LARP4B: variants seen among roughly 807,000 people sequenced by gnomAD.
LARP4B encodes the protein La ribonucleoprotein 4B, also known as la-related protein 4B.
Under a neutral mutation model 89.8 loss-of-function variants are expected in LARP4B, and 12 were observed. The ratio of observed to expected loss-of-function variants is 0.13; its 90% CI spans 0.09 to 0.22. The LOEUF is 0.22. Ranked by LOEUF, LARP4B falls within the 10% of genes least tolerant of loss-of-function variation. LARP4B has a pLI of 1.00. For synonymous variants in LARP4B, 367 were observed against 363.3 expected (o/e 1.01, Z -0.12); for missense variants, 757 against 947.7 (o/e 0.80, Z 2.64).
chr10:983,602 G>A, the LARP4B span, among the ~76,000 whole-genome samples: 1 of 152,128 alleles, frequency 6.6e-6, no homozygotes, highest in Non-Finnish European at 1.5e-5. Flanking sequence ...GGAAGCCTGG[G>A]AGCAGCTCTC....
In LARP4B at chr10:825,807, CCGCAGGCTTGAACGCTGGAGACGT is replaced by C; in HGVS notation, c.1165_1188del (p.Thr389_Ala396del). On this transcript the variant is annotated inframe_deletion, in exon 12 of 18. Coordinates refer to ENST00000316157, the MANE Select transcript of LARP4B (RefSeq NM_015155.3). ...TGTCTGAGAGAAGTCAGAGGAGACGCCGCAGGCTTGAACGCTGGAGACGTAAACCCATTTATAAATCCAGTATTT... is the reference window on the plus strand; with the variant it reads ...TGTCTGAGAGAAGTCAGAGGAGACGCAAACCCATTTATAAATCCAGTATTT... 6.2e-7 allele frequency: 1 copy of C among 1,613,986 alleles called. No individual in the cohort carries two copies. Among genetic ancestry groups the C allele is most frequent in the Non-Finnish European group, 8.5e-7 (1 of 1,179,928 alleles).
intron 1 of LARP4B, among the ~76,000 whole-genome samples, chr10:924,173 C>A (rs751035993): frequency 1.3e-5 from 2 of 151,980 alleles, no homozygotes; most frequent in Non-Finnish European, 2.9e-5. Flanking sequence ...AAGCCCAGGT[C>A]GAGGCTGCAG....
At chr10:863,202 A>G (rs1454464931) in intron 5 of LARP4B, among the ~76,000 whole-genome samples, 1 of 149,258 alleles carries the variant, frequency 6.7e-6, no homozygotes, top group African/African-American at 2.5e-5. Context: ...TTTTACTGAC[A>G]CTTCGCACTA....
intron 1 of LARP4B, among the ~76,000 whole-genome samples, chr10:922,534 C>A (rs1403788172): frequency 1.3e-5 from 2 of 151,856 alleles, no homozygotes; most frequent in Non-Finnish European, 2.9e-5. Flanking sequence ...GGTGACATGG[C>A]AAGACCTCAT....
chr10:862,370 G>C (rs1388669595), intron 5 of LARP4B, among the ~76,000 whole-genome samples: 1 of 151,642 alleles, frequency 6.6e-6, no homozygotes, highest in African/African-American at 2.4e-5. Flanking sequence ...ATTCTGCATG[G>C]CTGTGCCTTA....
chr10:831,276 CTTT>C (rs76857973), intron 8 of LARP4B, among the ~76,000 whole-genome samples: 10 of 121,914 alleles, frequency 8.2e-5, no homozygotes, highest in Non-Finnish European at 1.2e-4. Context: ...AACTGCACAA[CTTT>C]TTTTTTTTTT....
chr10:847,138 T>C (rs1385332747), intron 5 of LARP4B, among the ~76,000 whole-genome samples: 1 of 152,034 alleles, frequency 6.6e-6, no homozygotes, highest in Non-Finnish European at 1.5e-5. Context: ...AGCAAGGAGA[T>C]GGGACAGCAA....
intron 7 of LARP4B, among the ~76,000 whole-genome samples, chr10:839,739 T>G (rs1588889622): frequency 6.6e-6 from 1 of 152,158 alleles, no homozygotes; most frequent in Non-Finnish European, 1.5e-5. Flanking sequence ...AACAGGCAGG[T>G]GGTTTCACAG....
At chr10:944,239 G>C in the LARP4B span, among the ~76,000 whole-genome samples, 1 of 152,186 alleles carries the variant, frequency 6.6e-6, no homozygotes, top group African/African-American at 2.4e-5. Context: ...TTACCTGAAT[G>C]GTAGGTGGGG....
chr10:819,167 C>G (rs943215334), intron 14 of LARP4B: 2 of 152,224 alleles, frequency 1.3e-5, no homozygotes, highest in African/African-American at 4.8e-5. Flanking sequence ...ACTATGATGG[C>G]AAAGCGGTTT....
chr10:812,541 T>TAAA lies in LARP4B; in HGVS notation c.*382_*384dup, dbSNP rs58718835. On this transcript the variant is annotated 3_prime_UTR_variant, in exon 18 of 18. Coordinates refer to ENST00000316157, the MANE Select transcript of LARP4B (RefSeq NM_015155.3). ...GATATGCACTTACAGACCAGTTACT[T>TAAA]AAAAAAAAAAAAAAAAAGCAGAGTT... 2.9e-4 allele frequency: 38 copies of TAAA among 132,982 alleles called. No homozygotes were observed. The highest frequency in any genetic ancestry group is 7.2e-4 in the South Asian group (3 of 4,146). 8.2% of individuals were successfully genotyped at this position (132,982 alleles called of 1,614,324 possible). A position where few individuals can be genotyped will look rare whatever the true frequency, so the allele number is the denominator to read the frequency against.
chr10:974,879 C>T, the LARP4B span, among the ~76,000 whole-genome samples: 3 of 152,256 alleles, frequency 2.0e-5, no homozygotes, highest in East Asian at 5.8e-4. Flanking sequence ...TCAAGCCTCC[C>T]ACTCTGCCAT....
chr10:960,562 T>C, the LARP4B span, among the ~76,000 whole-genome samples: 1 of 151,452 alleles, frequency 6.6e-6, no homozygotes, highest in East Asian at 1.9e-4. Context: ...TAAAAAAAAT[T>C]AGCTGGGTGT....
chr10:857,788 T>G (rs1362588799), intron 5 of LARP4B, among the ~76,000 whole-genome samples: 1 of 152,234 alleles, frequency 6.6e-6, no homozygotes, highest in East Asian at 1.9e-4. Context: ...TTGGAATTGC[T>G]TCTTCTATGT....
intron 5 of LARP4B, among the ~76,000 whole-genome samples, chr10:862,657 G>A (rs1260753637): frequency 1.3e-5 from 2 of 152,144 alleles, no homozygotes; most frequent in African/African-American, 2.4e-5. Flanking sequence ...CTACTCAGGA[G>A]GCTGAGGTAG....
At chr10:934,148 A>G (rs895005754), upstream of LARP4B, among the ~76,000 whole-genome samples, 4 of 151,948 alleles carry the variant, frequency 2.6e-5, no homozygotes, top group Non-Finnish European at 5.9e-5. Context: ...TTAAACTTCA[A>G]TCTTTTTTGT....
At chr10:918,632 C>CAAAAAAAA (rs57396015) in intron 1 of LARP4B, among the ~76,000 whole-genome samples, 1 of 48,372 alleles carries the variant, frequency 2.1e-5, no homozygotes, top group Non-Finnish European at 4.2e-5. Context: ...GACCCTGTCT[C>CAAAAAAAA]AAAAAAAAAA....
intron 15 of LARP4B, among the ~76,000 whole-genome samples, chr10:816,656 A>G (rs1318223455): frequency 2.6e-5 from 4 of 152,302 alleles, no homozygotes; most frequent in Admixed American, 1.3e-4. Flanking sequence ...CATGATCTTT[A>G]AACTGCATTT....
Position 862,757 on chromosome 10 carries a change from C to CA in LARP4B, c.430+985dup, listed in dbSNP as rs149027121. ...GCTGGGTGACAGTGAGACTCCGTCT[C>CA]AAAAAAAAAAAATGAAAACATGAAA... On this transcript the variant is annotated intron_variant, in intron 5 of 17. Transcript: ENST00000316157. Among the ~76,000 whole-genome samples the CA allele has an allele frequency of 6.3e-4, 87 of 137,454 alleles. 1 individual carries two copies. Among genetic ancestry groups the CA allele is most frequent in the South Asian group, 2.1e-3 (9 of 4,378 alleles). The allele number at this position is 137,454 out of a possible 152,430, so 90.2% of individuals were successfully genotyped here.
Sources: gnomAD v4.1 joint callset for allele counts (sites outside exome capture counted in the v4.1 genomes callset) on GRCh38, gnomAD v4.1.1 for gene constraint, MANE v1.5 for transcripts, NCBI Gene and HGNC (gene_info 2026-07-23, HGNC 2026-07-21) for gene names.